INSYN2A: variants seen among roughly 807,000 people sequenced by gnomAD.
INSYN2A encodes family with sequence similarity 196 member A.
INSYN2A carries 17 observed loss-of-function variants against 39.4 expected under a neutral mutation model. That is an observed-to-expected ratio of 0.43 (90% CI 0.30 to 0.65). The LOEUF is 0.65. Ranked by LOEUF, INSYN2A falls within the 30% of genes least tolerant of loss-of-function variation. INSYN2A has a pLI of 0.14. For missense variants in INSYN2A, 595 were observed against 631.2 expected, an observed-to-expected ratio of 0.94 and a Z score of 0.61; for synonymous variants, 255 against 265.7, an observed-to-expected ratio of 0.96 and a Z score of 0.39.
chr10:127,157,416 T>G (rs1002299580), intron 4 of INSYN2A, among the ~76,000 whole-genome samples: 1 of 152,246 alleles, frequency 6.6e-6, no homozygotes, highest in Non-Finnish European at 1.5e-5. Context: ...TGGGCATTAT[T>G]TTAAATTGAA....
At chr10:127,192,101 G>GTA in intron 2 of INSYN2A, among the ~76,000 whole-genome samples, 1 of 152,314 alleles carries the variant, frequency 6.6e-6, no homozygotes, top group Middle Eastern at 3.4e-3. Context: ...GGATAGAATA[G>GTA]TATAATTCAT....
Position 127,175,627 on chromosome 10 carries a change from A to T in INSYN2A, c.769T>A (p.Tyr257Asn). Residue 257 changes from tyrosine to asparagine, a missense_variant, in exon 4 of 6, where the codon TAC (tyrosine) becomes AAC (asparagine). By Grantham distance (143) the Tyr-to-Asn change is moderately radical. Around this residue, in one of 2 missense-constraint regions of INSYN2A, gnomAD observed 478 missense variants for 467.4 expected, o/e 1.02. Transcript: ENST00000522781. This position sits in a 1 kb window ranked among gnomAD's most constrained non-coding sequence, Gnocchi z 6.3. The part of the protein sequence containing the change: ...RVFKTEVATV[Y>N]APALSARAPE... ...GCCCTGGCACTGAGGGCAGGTGCGT[A>T]AACGGTGGCAACCTCCGTTTTAAAC... The T allele has an allele frequency of 6.2e-7, 1 of 1,613,196 alleles. No homozygotes were observed. The highest frequency in any genetic ancestry group is 8.5e-7 in the Non-Finnish European group (1 of 1,179,944).
chr10:127,175,020 C>T lies in INSYN2A; in HGVS notation c.1184+192G>A, dbSNP rs747619158. Among the ~76,000 whole-genome samples, 1 of 152,132 alleles carries T rather than the reference C, an allele frequency of 6.6e-6. No homozygotes were observed. Among genetic ancestry groups the T allele is most frequent in the African/African-American group, 2.4e-5 (1 of 41,426 alleles). ...GATGAACATTAACCAGAAAGCGTAT[C>T]GTGCAGGATGCAGTGACGTCTAGTA... On this transcript the variant is annotated intron_variant, in intron 4 of 5. Coordinates refer to ENST00000522781, the MANE Select transcript of INSYN2A (RefSeq NM_001039762.3). This position sits in a 1 kb window ranked among gnomAD's most constrained non-coding sequence, Gnocchi z 6.3.
rs1486361676 is a variant in INSYN2A at position 127,145,956 on chromosome 10, C to T, written c.1256+7896G>A. ...TCTCAAACAGGTTCTTTCAAGACGCCTATCTGTGAGGAAGAACCTGCCCTG... is the reference window on the plus strand; with the variant it reads ...TCTCAAACAGGTTCTTTCAAGACGCTTATCTGTGAGGAAGAACCTGCCCTG... On this transcript the variant is annotated intron_variant, in intron 5 of 5. Coordinates refer to ENST00000522781, the MANE Select transcript of INSYN2A (RefSeq NM_001039762.3). 7.8e-6 allele frequency: 4 copies of T among 512,684 alleles called. No individual in the cohort carries two copies. The Admixed American group carries it at 7.9e-5, about 10-fold the overall frequency. The allele number at this position is 512,684 out of a possible 1,614,324, so 31.8% of individuals were successfully genotyped here. A position where few individuals can be genotyped will look rare whatever the true frequency, so the allele number is the denominator to read the frequency against.
intron 4 of INSYN2A, among the ~76,000 whole-genome samples, chr10:127,172,726 G>A (rs2054693651): frequency 6.6e-6 from 1 of 152,172 alleles, no homozygotes; most frequent in South Asian, 2.1e-4. Context: ...GTGAGCTTGT[G>A]CTGGCAGCAA....
chr10:127,159,691 G>T (rs1487439263), intron 4 of INSYN2A, among the ~76,000 whole-genome samples: 1 of 152,018 alleles, frequency 6.6e-6, no homozygotes, highest in Non-Finnish European at 1.5e-5. Context: ...TTCCTTTTAC[G>T]GACCGTTGGC....
At chr10:127,147,030 T>C (rs1169651165) in intron 5 of INSYN2A, among the ~76,000 whole-genome samples, 1 of 152,252 alleles carries the variant, frequency 6.6e-6, no homozygotes, top group Non-Finnish European at 1.5e-5. Flanking sequence ...TGTGGTCTTA[T>C]TGGTGTTGTA....
At chr10:127,193,075 C>T (rs777730189) in intron 1 of INSYN2A, among the ~76,000 whole-genome samples, 4 of 152,082 alleles carry the variant, frequency 2.6e-5, no homozygotes, top group Non-Finnish European at 5.9e-5. Context: ...ATATTGAAGT[C>T]ACCCCATAAT....
Position 127,145,817 on chromosome 10 carries a change from G to A in INSYN2A, c.1257-7797C>T, listed in dbSNP as rs545600999. ...ATTGAGAGCATCATCTCCACTAAAC[G>A]TAGCAGTGATAGTTCTCATCACACA... On this transcript the variant is annotated intron_variant, in intron 5 of 5. Transcript: ENST00000522781. The A allele has an allele frequency of 2.4e-4, 79 of 331,836 alleles. 1 individual carries two copies. The highest frequency in any genetic ancestry group is 1.7e-3 in the South Asian group (75 of 43,828). The allele number at this position is 331,836 out of a possible 1,614,324, so 20.6% of individuals were successfully genotyped here. A position where few individuals can be genotyped will look rare whatever the true frequency, so the allele number is the denominator to read the frequency against.
chr10:127,153,770 C>A (rs2052744514), intron 5 of INSYN2A, 82 bp downstream of exon 5: 4 of 1,080,466 alleles, frequency 3.7e-6, no homozygotes, highest in Non-Finnish European at 5.7e-6. Flanking sequence ...CCCAGCATGG[C>A]CCCAGATCGT....
At chr10:127,169,387 C>A (rs189221982) in intron 4 of INSYN2A, among the ~76,000 whole-genome samples, 28 of 152,316 alleles carry the variant, frequency 1.8e-4, no homozygotes, top group Non-Finnish European at 3.7e-4. Context: ...CAGAAACCTT[C>A]TAAATGTGTG....
chr10:127,171,956 T>G (rs1399321998), intron 4 of INSYN2A, among the ~76,000 whole-genome samples: 2 of 152,206 alleles, frequency 1.3e-5, no homozygotes, highest in African/African-American at 4.8e-5. Flanking sequence ...CCACTCGCCT[T>G]GGCCTCCCAA....
intron 2 of INSYN2A, among the ~76,000 whole-genome samples, chr10:127,182,153 A>G (rs1257397336): frequency 6.6e-6 from 1 of 151,790 alleles, no homozygotes; most frequent in African/African-American, 2.4e-5. Flanking sequence ...TTGCAGTGAA[A>G]CCTCTGTCAT....
intron 4 of INSYN2A, among the ~76,000 whole-genome samples, chr10:127,164,159 C>CTTT (rs528947051): frequency 3.1e-5 from 2 of 63,520 alleles, no homozygotes; most frequent in Non-Finnish European, 5.8e-5. Flanking sequence ...CATTTGCCTC[C>CTTT]TTTTTTTTTT....
Position 127,137,106 on chromosome 10 carries a change from T to G in INSYN2A, c.*731A>C, listed in dbSNP as rs1443025911. The G allele has an allele frequency of 6.6e-6, 1 of 152,562 alleles. No homozygotes were observed. Among genetic ancestry groups the G allele is most frequent in the Non-Finnish European group, 1.5e-5 (1 of 68,020 alleles). The allele number at this position is 152,562 out of a possible 1,614,324, so 9.5% of individuals were successfully genotyped here. A position where few individuals can be genotyped will look rare whatever the true frequency, so the allele number is the denominator to read the frequency against. ...TAGCTCTGACCCTGTCTACTTGCAG[T>G]GATTAAAGGCATATCCTGACTTTGG... On this transcript the variant is annotated 3_prime_UTR_variant, in exon 6 of 6. Transcript: ENST00000522781.
chr10:127,154,459 C>A (rs755423284), intron 4 of INSYN2A, among the ~76,000 whole-genome samples: 1 of 152,108 alleles, frequency 6.6e-6, no homozygotes. Flanking sequence ...GGAAATGATC[C>A]GAAATTCAAA....
intron 4 of INSYN2A, among the ~76,000 whole-genome samples, chr10:127,154,760 C>T (rs933286886): frequency 2.6e-5 from 4 of 152,214 alleles, no homozygotes; most frequent in Admixed American, 2.0e-4. Flanking sequence ...ATTCTCCCCC[C>T]TAATTAAAAA....
At chr10:127,164,405 A>T (rs1589721312) in intron 4 of INSYN2A, among the ~76,000 whole-genome samples, 1 of 146,344 alleles carries the variant, frequency 6.8e-6, no homozygotes, top group Admixed American at 6.8e-5. Context: ...CTGGTCTCAA[A>T]CTCCTGACCT....
Position 127,195,493 on chromosome 10 carries a change from C to A in INSYN2A, c.-395+504G>T, listed in dbSNP as rs577363339. ...TGCTGCTCGCGCCTCTCCTCAACGG[C>A]CGGCGTCAGGGCCCCTCTGTTCCAA... On this transcript the variant is annotated intron_variant, in intron 1 of 5. Coordinates refer to ENST00000522781, the MANE Select transcript of INSYN2A (RefSeq NM_001039762.3). 4.6e-5 allele frequency among the ~76,000 whole-genome samples: 7 copies of A among 152,272 alleles called. No individual in the cohort carries two copies. The South Asian group carries it at 1.4e-3, about 32-fold the overall frequency.
Sources: allele counts gnomAD v4.1 joint callset (sites outside exome capture counted in the v4.1 genomes callset), GRCh38; gene constraint gnomAD v4.1.1; regional missense constraint gnomAD v4.1.1; non-coding constraint Gnocchi (gnomAD v3.1); transcripts MANE v1.5; gene names NCBI Gene and HGNC (gene_info 2026-07-23, HGNC 2026-07-21).